CCSER1: variants seen among roughly 807,000 people sequenced by gnomAD.
The protein encoded by CCSER1 is coiled-coil serine rich protein 1.
In CCSER1, 41 loss-of-function variants were observed where a neutral mutation model predicts 82.0. That is an observed-to-expected ratio of 0.50 (90% confidence interval 0.39 to 0.65). The LOEUF is 0.65. Ranked by LOEUF, CCSER1 falls within the 30% of genes least tolerant of loss-of-function variation. The pLI, the probability that CCSER1 is intolerant of heterozygous loss-of-function variation, is 0.00. For synonymous variants in CCSER1, 414 were observed against 383.9 expected (o/e 1.08, Z -0.92); for missense variants, 1,119 against 1,064.2 (o/e 1.05, Z -0.72).
At chr4:90,279,841 A>G (rs1728564809) in intron 1 of CCSER1, among the ~76,000 whole-genome samples, 1 of 152,020 alleles carries the variant, frequency 6.6e-6, no homozygotes, top group African/African-American at 2.4e-5. Flanking sequence ...AATGTATGGT[A>G]TGAATGAAAA....
chr4:91,200,150 T>C (rs1375244567), intron 10 of CCSER1, among the ~76,000 whole-genome samples: 1 of 150,788 alleles, frequency 6.6e-6, no homozygotes, highest in Non-Finnish European at 1.5e-5. Context: ...TTCTTGCTAT[T>C]TTATTCAGTT....
At chr4:91,551,603 C>T (rs963277232) in intron 10 of CCSER1, among the ~76,000 whole-genome samples, 41 of 149,834 alleles carry the variant, frequency 2.7e-4, no homozygotes, top group African/African-American at 9.8e-4. Flanking sequence ...TCTAAATGTT[C>T]CTTAAAATAT....
At chr4:90,830,694 A>G (rs1185332862) in intron 8 of CCSER1, among the ~76,000 whole-genome samples, 1 of 152,188 alleles carries the variant, frequency 6.6e-6, no homozygotes, top group Admixed American at 6.6e-5. Flanking sequence ...ACACAGCCAG[A>G]CAAGATGAAC....
intron 7 of CCSER1, among the ~76,000 whole-genome samples, chr4:90,744,053 A>C (rs1314562609): frequency 2.6e-5 from 4 of 152,322 alleles, no homozygotes; most frequent in African/African-American, 9.6e-5. Flanking sequence ...CTTATGCATA[A>C]GATTTTATGT....
intron 9 of CCSER1, among the ~76,000 whole-genome samples, chr4:91,080,915 A>T (rs563499951): frequency 6.6e-6 from 1 of 152,216 alleles, no homozygotes; most frequent in African/African-American, 2.4e-5. Context: ...GTAATAATTA[A>T]TAGCCTACCA....
In CCSER1 at chr4:90,484,488, C is replaced by A. The variant is rs555044535; in HGVS notation, c.1724+16134C>A. Among the ~76,000 whole-genome samples, 3 of 152,088 alleles carry A rather than the reference C, an allele frequency of 2.0e-5. No individual in the cohort carries two copies. In the East Asian group the frequency reaches 5.8e-4, roughly 29 times the overall value. On this transcript the variant is annotated intron_variant, in intron 5 of 10. Transcript: ENST00000509176. ...TCTGGTTTTTCTGCTCTGTTTTTTC[C>A]CCATCTTTGTGGTTTTATCTACTTT... is the stretch of plus-strand genomic sequence containing the variant.
At chr4:91,095,006 C>T (rs1724358766) in intron 10 of CCSER1, among the ~76,000 whole-genome samples, 1 of 152,132 alleles carries the variant, frequency 6.6e-6, no homozygotes, top group African/African-American at 2.4e-5. Context: ...AGGCAGAAAA[C>T]CTGCTTGGCG....
chr4:90,603,667 CAT>C (rs1784293401), intron 5 of CCSER1, among the ~76,000 whole-genome samples: 1 of 152,188 alleles, frequency 6.6e-6, no homozygotes, highest in Non-Finnish European at 1.5e-5. Context: ...CCTTTTGGCA[CAT>C]GTGGGAGGAT....
chr4:90,463,741 A>G (rs1479186667), intron 4 of CCSER1, among the ~76,000 whole-genome samples: 1 of 152,138 alleles, frequency 6.6e-6, no homozygotes, highest in Non-Finnish European at 1.5e-5. Context: ...TGTAATAAAT[A>G]TGTATAAATA....
At chr4:90,261,825 T>C (rs1222885807) in intron 1 of CCSER1, among the ~76,000 whole-genome samples, 2 of 152,150 alleles carry the variant, frequency 1.3e-5, no homozygotes, top group African/African-American at 4.8e-5. Context: ...CTTTGTCTGA[T>C]TGGTTAATTT....
intron 3 of CCSER1, among the ~76,000 whole-genome samples, chr4:90,365,014 C>T (rs1746021873): frequency 6.6e-6 from 1 of 151,618 alleles, no homozygotes; most frequent in African/African-American, 2.4e-5. Context: ...AAGGCCTAAA[C>T]TCAGGACAAA....
At chr4:91,414,082 T>C (rs1753217601) in intron 10 of CCSER1, among the ~76,000 whole-genome samples, 2 of 152,102 alleles carry the variant, frequency 1.3e-5, no homozygotes, top group Non-Finnish European at 2.9e-5. Context: ...TAAGTAACAA[T>C]GTGAACACTT....
rs533632518 is a variant in CCSER1, at chr4:90,269,698, G to A, written c.-41-38546G>A. On this transcript the variant is annotated intron_variant, in intron 1 of 10. Transcript: ENST00000509176. ...AATGAATATTAGAGCAGAAATAAAT[G>A]AAATTGAAGAAAACAATACAAAAGA... Among the ~76,000 whole-genome samples the A allele has an allele frequency of 5.9e-3, 875 of 147,732 alleles. 7 individuals carry two copies. Among genetic ancestry groups the A allele is most frequent in the African/African-American group, 0.022 (851 of 38,544 alleles).
chr4:91,376,623 TAAAG>T (rs1258160029), intron 10 of CCSER1, among the ~76,000 whole-genome samples: 1 of 152,084 alleles, frequency 6.6e-6, no homozygotes, highest in Non-Finnish European at 1.5e-5. Flanking sequence ...TTATGCAAAT[TAAAG>T]AAAAAAATTA....
intron 1 of CCSER1, among the ~76,000 whole-genome samples, chr4:90,155,991 C>G (rs921478346): frequency 6.6e-6 from 1 of 152,110 alleles, no homozygotes; most frequent in African/African-American, 2.4e-5. Context: ...ATCTTTCCTG[C>G]TTCCTCTTGT....
At chr4:91,172,027 A>G (rs888139325) in intron 10 of CCSER1, among the ~76,000 whole-genome samples, 8 of 152,122 alleles carry the variant, frequency 5.3e-5, no homozygotes. Context: ...ATTCAATAAC[A>G]TTATACATTG....
intron 8 of CCSER1, among the ~76,000 whole-genome samples, chr4:90,913,474 G>A (rs6532259): frequency 0.54 from 81,518 of 151,952 alleles, 23,597 homozygotes; most frequent in African/African-American, 0.77. Context: ...CCTGCCCTAC[G>A]AGAGCTCCTG....
chr4:90,336,789 A>G (rs1451415116), intron 3 of CCSER1, among the ~76,000 whole-genome samples: 1 of 152,238 alleles, frequency 6.6e-6, no homozygotes, highest in African/African-American at 2.4e-5. Context: ...ATACACATTT[A>G]TAAAGCAAGG....
At chr4:90,399,713 G>T (rs567878068) in intron 3 of CCSER1, among the ~76,000 whole-genome samples, 118 of 151,956 alleles carry the variant, frequency 7.8e-4, no homozygotes, top group African/African-American at 2.6e-3. Context: ...CTCATATCAA[G>T]AAATCATTTC....
Sources: allele counts gnomAD v4.1 joint callset (sites outside exome capture counted in the v4.1 genomes callset), GRCh38; gene constraint gnomAD v4.1.1; transcripts MANE v1.5; gene names NCBI Gene and HGNC (gene_info 2026-07-23, HGNC 2026-07-21).